The following ZSCAN25 variants were observed in gnomAD, a reference collection of about 807,000 sequenced individuals.
ZSCAN25 encodes zinc finger and SCAN domain-containing protein 25.
Under a neutral mutation model 38.7 loss-of-function variants are expected in ZSCAN25, and 27 were observed. The ratio of observed to expected loss-of-function variants is 0.70; its 90% CI spans 0.51 to 0.96. The LOEUF (loss-of-function observed/expected upper bound fraction) is 0.96. Among genes scored for constraint, ZSCAN25 ranks in the 40% least tolerant of loss-of-function variants. The pLI is 0.00. For synonymous variants in ZSCAN25, 273 were observed against 277.7 expected (o/e 0.98, Z 0.17); for missense variants, 637 against 705.9 (o/e 0.90, Z 1.11).
At chr7:99,671,867 C>T in the ZSCAN25 span, 104 of 702,660 alleles carry the variant, frequency 1.5e-4, no homozygotes, top group Admixed American at 1.0e-3. Flanking sequence ...TGGTGCTGGT[C>T]GTTGCACAAA....
At chr7:99,661,845 C>G in the ZSCAN25 span, among the ~76,000 whole-genome samples, 1 of 152,200 alleles carries the variant, frequency 6.6e-6, no homozygotes, top group Non-Finnish European at 1.5e-5. Context: ...GCTGTCCAAT[C>G]TGGTAGCCAC....
At chr7:99,666,270 C>G in the ZSCAN25 span, among the ~76,000 whole-genome samples, 1 of 152,150 alleles carries the variant, frequency 6.6e-6, no homozygotes, top group Non-Finnish European at 1.5e-5. Context: ...GCTTGCTTAC[C>G]CACAGTTCCA....
At chr7:99,700,898 A>G in the ZSCAN25 span, among the ~76,000 whole-genome samples, 1 of 152,172 alleles carries the variant, frequency 6.6e-6, no homozygotes, top group East Asian at 1.9e-4. Flanking sequence ...AACTAATGCA[A>G]TTGGTCTTGT....
intron 1 of ZSCAN25, among the ~76,000 whole-genome samples, chr7:99,617,750 A>T (rs1806594271): frequency 6.6e-6 from 1 of 152,326 alleles, no homozygotes; most frequent in African/African-American, 2.4e-5. Context: ...CAGAAACAAA[A>T]CAAAAGAGTC....
the ZSCAN25 span, chr7:99,665,077 T>G: frequency 2.1e-5 from 24 of 1,147,768 alleles, no homozygotes; most frequent in Admixed American, 5.2e-5. Context: ...AATTGTACCT[T>G]TTAAGTGGAT....
intron 4 of ZSCAN25, chr7:99,620,532 G>A (rs1806865744): frequency 6.4e-6 from 1 of 155,092 alleles, no homozygotes; most frequent in Non-Finnish European, 1.4e-5. Context: ...GCCCCCTGAT[G>A]GATGACTGGG....
the ZSCAN25 span, chr7:99,650,200 T>G: frequency 6.2e-7 from 1 of 1,613,970 alleles, no homozygotes; most frequent in Non-Finnish European, 8.5e-7. Flanking sequence ...TGTGTATATG[T>G]AAGGATCTAT....
At chr7:99,636,591 C>G (rs1808294654), downstream of ZSCAN25, among the ~76,000 whole-genome samples, 1 of 152,180 alleles carries the variant, frequency 6.6e-6, no homozygotes, top group African/African-American at 2.4e-5. Flanking sequence ...TAAACAAAAC[C>G]CACTCCACCT....
the ZSCAN25 span, among the ~76,000 whole-genome samples, chr7:99,692,960 CGGA>C: frequency 6.6e-6 from 1 of 152,278 alleles, no homozygotes; most frequent in East Asian, 1.9e-4. Flanking sequence ...TGTGATCTTT[CGGA>C]GGAGAAGAGA....
the ZSCAN25 span, chr7:99,650,016 A>C: frequency 1.3e-6 from 2 of 1,584,164 alleles, no homozygotes; most frequent in African/African-American, 1.4e-5. Context: ...TCTTTTAAAA[A>C]ATATATACCC....
At chr7:99,705,592 G>C in the ZSCAN25 span, 10 of 1,613,162 alleles carry the variant, frequency 6.2e-6, no homozygotes, top group Non-Finnish European at 8.5e-6. Context: ...AATTTCAGGG[G>C]GATCTGCAAC....
At chr7:99,705,235 G>T in the ZSCAN25 span, 1 of 376,550 alleles carries the variant, frequency 2.7e-6, no homozygotes, top group Non-Finnish European at 4.9e-6. Flanking sequence ...GCTAACTGGG[G>T]GTGGTGGAGA....
chr7:99,654,202 G>A, the ZSCAN25 span, among the ~76,000 whole-genome samples: 1 of 151,858 alleles, frequency 6.6e-6, no homozygotes, highest in Non-Finnish European at 1.5e-5. Flanking sequence ...TTTAACATTC[G>A]GTATATCTCC....
the ZSCAN25 span, chr7:99,680,085 C>A: frequency 3.4e-6 from 2 of 589,128 alleles, no homozygotes; most frequent in Non-Finnish European, 6.1e-6. Flanking sequence ...CGCACACACC[C>A]CTTTGCTGAC....
the ZSCAN25 span, chr7:99,638,636 T>G: frequency 6.3e-7 from 1 of 1,583,460 alleles, no homozygotes; most frequent in Admixed American, 1.7e-5. Flanking sequence ...AAACCCACAG[T>G]GGGAATTGTG....
the ZSCAN25 span, among the ~76,000 whole-genome samples, chr7:99,639,182 G>A: frequency 6.6e-6 from 1 of 152,192 alleles, no homozygotes; most frequent in Non-Finnish European, 1.5e-5. Flanking sequence ...CCCTGGGGGA[G>A]GCAGAATCGA....
chr7:99,650,256 A>G, the ZSCAN25 span: 1 of 1,606,540 alleles, frequency 6.2e-7, no homozygotes, highest in African/African-American at 1.3e-5. Context: ...GGTAGATTAA[A>G]TAGTTAATGA....
At chr7:99,648,350 A>G in the ZSCAN25 span, 1 of 1,612,264 alleles carries the variant, frequency 6.2e-7, no homozygotes. Flanking sequence ...CCTTTAGAAC[A>G]ATGGGTTTTT....
At chr7:99,710,613 T>A in the ZSCAN25 span, 1 of 1,548,692 alleles carries the variant, frequency 6.5e-7, no homozygotes, top group Non-Finnish European at 8.7e-7. Context: ...CCTTCCTACA[T>A]ATTGTGAATG....
Sources: allele counts gnomAD v4.1 joint callset (sites outside exome capture counted in the v4.1 genomes callset), GRCh38; gene constraint gnomAD v4.1.1; transcripts MANE v1.5; gene names NCBI Gene and HGNC (gene_info 2026-07-23, HGNC 2026-07-21).